CEP70: variants seen among roughly 807,000 people sequenced by gnomAD.
The protein encoded by CEP70 is centrosomal protein 70, also known as centrosomal protein of 70 kDa.
Under a neutral mutation model 90.9 loss-of-function variants are expected in CEP70, and 70 were observed. The ratio of observed to expected loss-of-function variants is 0.77; its 90% CI spans 0.64 to 0.94. The LOEUF is 0.94. Ranked by LOEUF, CEP70 falls within the 40% of genes least tolerant of loss-of-function variation. The pLI is 0.00. For synonymous variants in CEP70, 220 were observed against 228.3 expected (o/e 0.96, Z 0.33); for missense variants, 648 against 669.0 (o/e 0.97, Z 0.35).
intron 3 of CEP70, among the ~76,000 whole-genome samples, chr3:138,571,837 G>A (rs547417918): frequency 2.6e-5 from 4 of 152,154 alleles, no homozygotes; most frequent in South Asian, 2.1e-4. Flanking sequence ...GGAGTGCAGC[G>A]GTACGATCTC....
At chr3:138,504,932 A>C in intron 13 of CEP70, among the ~76,000 whole-genome samples, 1 of 152,164 alleles carries the variant, frequency 6.6e-6, no homozygotes, top group Non-Finnish European at 1.5e-5. Flanking sequence ...AAGGGCCAGG[A>C]AAATCGCAGC....
chr3:138,593,435 G>A (rs550308870), intron 1 of CEP70, among the ~76,000 whole-genome samples: 2 of 152,166 alleles, frequency 1.3e-5, no homozygotes, highest in South Asian at 4.2e-4. Context: ...GTTGGCCAGG[G>A]TGGTCTCGAA....
chr3:138,563,885 T>TCAAAAAAATC (rs2040592307), intron 6 of CEP70, among the ~76,000 whole-genome samples: 1 of 151,932 alleles, frequency 6.6e-6, no homozygotes, highest in Non-Finnish European at 1.5e-5. Flanking sequence ...AAAAAACTCT[T>TCAAAAAAATC]CAAAAAAATC....
chr3:138,550,583 A>T (rs1388718646), intron 6 of CEP70, among the ~76,000 whole-genome samples: 2 of 152,122 alleles, frequency 1.3e-5, no homozygotes, highest in Non-Finnish European at 2.9e-5. Context: ...GGCTGGTCTC[A>T]AACTCCTGAC....
chr3:138,499,802 A>ACACG, intron 16 of CEP70: 1 of 268,392 alleles, frequency 3.7e-6, no homozygotes, highest in Non-Finnish European at 7.3e-6. Context: ...ACACACACAC[A>ACACG]CACAAATTAG....
intron 11 of CEP70, among the ~76,000 whole-genome samples, chr3:138,518,559 C>T (rs1417017791): frequency 2.0e-5 from 3 of 152,188 alleles, no homozygotes; most frequent in South Asian, 2.1e-4. Context: ...GCTGCTGATA[C>T]CCAGGCAAAC....
intron 13 of CEP70, 53 bp from the exon 14 acceptor site, chr3:138,500,934 T>C: frequency 2.3e-6 from 2 of 856,696 alleles, no homozygotes; most frequent in Non-Finnish European, 3.3e-6. Flanking sequence ...ATTTCTATAG[T>C]AACATAATAG....
intron 7 of CEP70, among the ~76,000 whole-genome samples, chr3:138,534,715 C>T (rs1325143654): frequency 1.3e-5 from 2 of 152,180 alleles, no homozygotes; most frequent in Non-Finnish European, 2.9e-5. Context: ...TTTGGAAGTT[C>T]TCTGGAGTTT....
At chr3:138,545,712 G>T (rs905502164) in intron 6 of CEP70, among the ~76,000 whole-genome samples, 8 of 152,122 alleles carry the variant, frequency 5.3e-5, no homozygotes, top group Admixed American at 2.0e-4. Context: ...AATACCCTGG[G>T]GAAGGAATGC....
intron 2 of CEP70, among the ~76,000 whole-genome samples, chr3:138,591,014 G>A (rs760079114): frequency 1.4e-4 from 22 of 152,022 alleles, no homozygotes; most frequent in Non-Finnish European, 3.2e-4. Context: ...TTCATTTTAC[G>A]CTAAAAAGAT....
chr3:138,509,248 A>G (rs1183870100), intron 11 of CEP70, among the ~76,000 whole-genome samples: 1 of 152,182 alleles, frequency 6.6e-6, no homozygotes, highest in Non-Finnish European at 1.5e-5. Flanking sequence ...CACAGACTAC[A>G]GATAAAGGGA....
chr3:138,509,887 T>C (rs1249478064), intron 11 of CEP70, among the ~76,000 whole-genome samples: 1 of 152,142 alleles, frequency 6.6e-6, no homozygotes, highest in Non-Finnish European at 1.5e-5. Flanking sequence ...ACAGTGCTTA[T>C]GTTCAAGTAA....
intron 17 of CEP70, chr3:138,496,932 A>G: frequency 1.0e-6 from 1 of 986,334 alleles, no homozygotes. Flanking sequence ...ATGTTTATTA[A>G]TGTGCCAAAT....
At chr3:138,529,167 GAAA>G (rs34094770) in intron 10 of CEP70, 29 bp downstream of exon 10, 244 of 1,179,114 alleles carry the variant, frequency 2.1e-4, no homozygotes, top group Admixed American at 2.3e-4. Context: ...CCTGTCTCAG[GAAA>G]AAAAAAAAAA....
At chr3:138,511,485 T>G (rs908640019) in intron 11 of CEP70, among the ~76,000 whole-genome samples, 1 of 152,222 alleles carries the variant, frequency 6.6e-6, no homozygotes, top group African/African-American at 2.4e-5. Flanking sequence ...TCCTTTCACT[T>G]AGGTGAAAAT....
At chr3:138,539,808 G>T (rs188084528) in intron 6 of CEP70, among the ~76,000 whole-genome samples, 1 of 152,242 alleles carries the variant, frequency 6.6e-6, no homozygotes, top group Admixed American at 6.5e-5. Context: ...TCCATGAACA[G>T]GAAGGTCAGA....
chr3:138,560,468 T>C (rs1420497425), intron 6 of CEP70, among the ~76,000 whole-genome samples: 3 of 149,830 alleles, frequency 2.0e-5, no homozygotes, highest in Non-Finnish European at 3.0e-5. Context: ...GGTGCAGGAG[T>C]TTTTGTTTTT....
In CEP70 at chr3:138,535,192, C is replaced by G. The variant is rs151153638; in HGVS notation, c.635+1986G>C. On this transcript the variant is annotated intron_variant, in intron 7 of 17. Transcript: ENST00000264982. ...TCCAGACCTCTTGGACTCTTGACGT[C>G]CCAAACACATTCACTTTTCCTGTTA... Among the ~76,000 whole-genome samples the G allele has an allele frequency of 3.7e-4, 56 of 152,302 alleles. No homozygotes were observed. In the East Asian group the frequency reaches 4.4e-3, roughly 12 times the overall value.
chr3:138,536,265 G>C (rs1007956786), intron 7 of CEP70, among the ~76,000 whole-genome samples: 1 of 151,888 alleles, frequency 6.6e-6, no homozygotes, highest in Non-Finnish European at 1.5e-5. Context: ...TTACCTATAG[G>C]GGAGGTAAGG....
Sources: gnomAD v4.1 joint callset for allele counts (sites outside exome capture counted in the v4.1 genomes callset) on GRCh38, gnomAD v4.1.1 for gene constraint, MANE v1.5 for transcripts, NCBI Gene and HGNC (gene_info 2026-07-23, HGNC 2026-07-21) for gene names.